Variants in CACNA1H observed in about 807,000 individuals in gnomAD.
CACNA1H encodes voltage-dependent T-type calcium channel subunit alpha-1H.
A neutral mutation model predicts 192.5 loss-of-function variants in CACNA1H; 149 were observed. The ratio of observed to expected loss-of-function variants is 0.77; its 90% CI spans 0.68 to 0.89. The LOEUF (loss-of-function observed/expected upper bound fraction) is 0.89. Ranked by LOEUF, CACNA1H falls within the 40% of genes least tolerant of loss-of-function variation. The pLI is 0.00. For missense variants in CACNA1H, 4,257 were observed against 3,423.5 expected, an observed-to-expected ratio of 1.24 and a Z score of -6.08; for synonymous variants, 2,202 against 1,475.2, an observed-to-expected ratio of 1.49 and a Z score of -11.29.
chr16:1,169,098 C>G (rs1346124005), intron 2 of CACNA1H, among the ~76,000 whole-genome samples: 1 of 149,692 alleles, frequency 6.7e-6, no homozygotes, highest in African/African-American at 2.5e-5. Context: ...CTGGACTGTT[C>G]CAGATACCAG....
In CACNA1H at chr16:1,220,312, G is replaced by A. The variant is rs769490814; in HGVS notation, c.6380G>A (p.Gly2127Asp). The A allele has an allele frequency of 2.0e-5, 31 of 1,561,092 alleles. No individual in the cohort carries two copies. The highest frequency in any genetic ancestry group is 2.6e-5 in the Non-Finnish European group (30 of 1,161,360). ...PHGPEASPVA[G>D]GERDLRRLYS... is the part of the protein sequence containing the mutation. ...GGCCCCGAAGCCTCTCCGGTGGCCG[G>A]CGGCGAGCGGGACCTGCGCAGGCTC... Residue 2127 changes from glycine (G) to aspartate (D), a missense_variant, in exon 35 of 35, where the codon GGC (glycine) becomes GAC (aspartate). Gly to Asp is a moderately conservative substitution (Grantham distance 94). Coordinates refer to ENST00000348261, the MANE Select transcript of CACNA1H (RefSeq NM_021098.3).
chr16:1,186,779 C>T (rs543078955), intron 2 of CACNA1H, among the ~76,000 whole-genome samples: 3 of 152,288 alleles, frequency 2.0e-5, no homozygotes, highest in Admixed American at 6.5e-5. Flanking sequence ...ATATTCTGCC[C>T]TTCTAGCTCT....
At chr16:1,205,340 C>T (rs544002256) in intron 11 of CACNA1H, 75 bp downstream of exon 11, 19 of 1,444,328 alleles carry the variant, frequency 1.3e-5, no homozygotes, top group Admixed American at 1.9e-5. Flanking sequence ...ACCTGCAGAG[C>T]AAAACCCAGA....
At chr16:1,185,689 G>A (rs371292549) in intron 2 of CACNA1H, among the ~76,000 whole-genome samples, 10 of 127,832 alleles carry the variant, frequency 7.8e-5, no homozygotes, top group East Asian at 2.3e-4. Flanking sequence ...TGTACGGGGC[G>A]GGTGAGTAGA....
At chr16:1,183,298 G>T (rs530204374) in intron 2 of CACNA1H, among the ~76,000 whole-genome samples, 1 of 152,154 alleles carries the variant, frequency 6.6e-6, no homozygotes, top group African/African-American at 2.4e-5. Context: ...GCACAGAGGG[G>T]TTCTTAGGAC....
chr16:1,198,945 A>G (rs1295592434), intron 6 of CACNA1H, 171 bp downstream of exon 6: 3 of 409,958 alleles, frequency 7.3e-6, no homozygotes, highest in African/African-American at 5.9e-5. Flanking sequence ...TCCCGCCCCC[A>G]CCCCCCATCA....
intron 8 of CACNA1H, among the ~76,000 whole-genome samples, chr16:1,201,137 C>T (rs1485281063): frequency 6.6e-6 from 1 of 152,138 alleles, no homozygotes; most frequent in Non-Finnish European, 1.5e-5. Flanking sequence ...TCTCATAGGC[C>T]CCAGTGGGTC....
At chr16:1,187,308 C>T (rs1048977466) in intron 2 of CACNA1H, among the ~76,000 whole-genome samples, 3 of 152,218 alleles carry the variant, frequency 2.0e-5, no homozygotes, top group African/African-American at 4.8e-5. Flanking sequence ...GGGGTTTGCC[C>T]AGCCAGGGGT....
intron 16 of CACNA1H, among the ~76,000 whole-genome samples, 184 bp from the exon 17 acceptor site, chr16:1,208,848 C>T (rs375512541): frequency 7.9e-5 from 12 of 152,198 alleles, no homozygotes; most frequent in Admixed American, 4.6e-4. Flanking sequence ...ACACCCTGAC[C>T]CTCATGAGCT....
chr16:1,174,069 C>T (rs918827422), intron 2 of CACNA1H, among the ~76,000 whole-genome samples: 4 of 152,204 alleles, frequency 2.6e-5, no homozygotes, highest in African/African-American at 7.2e-5. Context: ...CCTCCTGATA[C>T]GGGGAGCTGT....
chr16:1,193,653 C>G, intron 2 of CACNA1H, among the ~76,000 whole-genome samples: 1 of 152,318 alleles, frequency 6.6e-6, no homozygotes, highest in South Asian at 2.1e-4. Context: ...ACAGCAGAGG[C>G]GCCTGTTACC....
intron 12 of CACNA1H, 91 bp downstream of exon 12, chr16:1,206,380 G>A (rs1448090250): frequency 4.0e-6 from 5 of 1,250,674 alleles, no homozygotes; most frequent in Non-Finnish European, 5.5e-6. Flanking sequence ...AGGAGAAGGA[G>A]CCCTCCCACC....
Position 1,212,045 on chromosome 16 carries a change from G to A in CACNA1H, c.4666G>A (p.Glu1556Lys), listed in dbSNP as rs1405661133. Residue 1556 changes from glutamate to lysine, a missense_variant, in exon 25 of 35, where the codon GAG becomes AAG. Coordinates refer to ENST00000348261, the MANE Select transcript of CACNA1H (RefSeq NM_021098.3). Reference sequence around the variant, plus strand: ...CAACATGTTCGTGGGCGTCGTGGTCGAGAACTTCCACAAGTGCCGGCAGCA... The same window carrying A: ...CAACATGTTCGTGGGCGTCGTGGTCAAGAACTTCCACAAGTGCCGGCAGCA... ...VLNMFVGVVV[E>K]NFHKCRQHQE... 6.2e-6 allele frequency: 10 copies of A among 1,613,188 alleles called. No individual in the cohort carries two copies. Among genetic ancestry groups the A allele is most frequent in the African/African-American group, 1.3e-5 (1 of 74,934 alleles).
intron 2 of CACNA1H, among the ~76,000 whole-genome samples, chr16:1,181,423 C>T (rs1965453068): frequency 1.3e-5 from 2 of 152,238 alleles, no homozygotes; most frequent in South Asian, 4.1e-4. Flanking sequence ...CCAGGAGAGT[C>T]TGGGGGTCTG....
At position 1,207,505 on chromosome 16, in the gene CACNA1H, G is replaced by T. The variant is rs1444289322; in HGVS notation, c.3063+75G>T. The T allele has an allele frequency of 3.4e-6, 5 of 1,486,054 alleles. No homozygotes were observed. In the African/African-American group the frequency reaches 6.9e-5, roughly 20 times the overall value. 92.1% of individuals were successfully genotyped at this position (1,486,054 alleles called of 1,614,324 possible). ...GACGGGCTTCAGGTCGAGGGGAGGG[G>T]TGTGGGGGGCCTGCCAAGAGGTGAG... On this transcript the variant is annotated intron_variant, in intron 14 of 34. Transcript: ENST00000348261.
In CACNA1H at chr16:1,200,279, G is replaced by A. The variant is rs59709076; in HGVS notation, c.827G>A (p.Arg276Gln). Residue 276 changes from arginine to glutamine, a missense_variant, in exon 7 of 35, where the codon CGG becomes CAG. By Grantham distance (43) the Arg-to-Gln change is conservative. Transcript: ENST00000348261. ...FVRNNNLTFL[R>Q]PYYQTEEGEE... is the part of the protein sequence containing the mutation. ...AGGAACAACAACCTGACCTTCCTGC[G>A]GCCGTACTACCAGACGGAGGAGGGC... 897 of 1,601,618 alleles carry A rather than the reference G, an allele frequency of 5.6e-4. 6 individuals are homozygous for A. In the African/African-American group the frequency reaches 0.011, roughly 20 times the overall value.
In CACNA1H at chr16:1,204,429, C is replaced by T. The variant is rs1303679520; in HGVS notation, c.2422C>T (p.Leu808=). The T allele has an allele frequency of 6.5e-7, 1 of 1,548,774 alleles. No homozygotes were observed. The highest frequency in any genetic ancestry group is 8.7e-7 in the Non-Finnish European group (1 of 1,148,390). Residue 808 remains leucine (L), a synonymous_variant, in exon 10 of 35, where the codon CTG becomes TTG. Transcript: ENST00000348261. ...GIMMAILVNT[L]SMGVEYHEQP... is the part of the protein sequence containing the mutation. ...CATGATGGCCATCCTTGTCAACACG[C>T]TGAGCATGGGCGTGGAGTACCATGA...
At position 1,198,736 on chromosome 16, in the gene CACNA1H, C is replaced by T. The variant is rs778810951; in HGVS notation, c.765C>T (p.Leu255=). ...TTGGCGTCCAGCTCTGGGCTGGCCT[C>T]CTGCGGAACCGCTGCTTCCTGGACA... ...GIVGVQLWAG[L]LRNRCFLDSA... Residue 255 remains leucine, a synonymous_variant, in exon 6 of 35, where the codon CTC becomes CTT. Coordinates refer to ENST00000348261, the MANE Select transcript of CACNA1H (RefSeq NM_021098.3). The T allele has an allele frequency of 4.3e-6, 7 of 1,612,906 alleles. No homozygotes were observed. Among genetic ancestry groups the T allele is most frequent in the South Asian group, 1.1e-5 (1 of 91,088 alleles).
At chr16:1,182,875 T>C (rs1965612029) in intron 2 of CACNA1H, among the ~76,000 whole-genome samples, 1 of 152,010 alleles carries the variant, frequency 6.6e-6, no homozygotes, top group African/African-American at 2.4e-5. Flanking sequence ...TCTCTGGAGC[T>C]GAGTCCTGAG....
Sources: allele counts gnomAD v4.1 joint callset (sites outside exome capture counted in the v4.1 genomes callset), GRCh38; gene constraint gnomAD v4.1.1; transcripts MANE v1.5; gene names NCBI Gene and HGNC (gene_info 2026-07-23, HGNC 2026-07-21).